The following NFATC3 variants were observed in gnomAD, a reference collection of about 807,000 sequenced individuals.
NFATC3 encodes nuclear factor of activated T-cells, cytoplasmic 3.
In NFATC3, 46 loss-of-function variants were observed where a neutral mutation model predicts 98.6. The ratio of observed to expected loss-of-function variants is 0.47; its 90% CI spans 0.37 to 0.60. The LOEUF (loss-of-function observed/expected upper bound fraction) is 0.60, where lower values mean the gene tolerates loss of function less well. NFATC3 is among the 20% of genes least tolerant of loss of function. The probability of loss-of-function intolerance (pLI) is 0.00; values close to 1 mark genes in which losing one functional copy is unlikely to be tolerated. For synonymous variants in NFATC3, 512 were observed against 472.2 expected (o/e 1.08, Z -1.09); for missense variants, 1,256 against 1,295.5 (o/e 0.97, Z 0.47).
At chr16:68,098,195 C>T (rs2035120216) in intron 1 of NFATC3, among the ~76,000 whole-genome samples, 1 of 151,006 alleles carries the variant, frequency 6.6e-6, no homozygotes, top group Non-Finnish European at 1.5e-5. Context: ...ATGGACACAT[C>T]TTTCCCTTTC....
At chr16:68,152,713 G>C (rs985416007) in intron 3 of NFATC3, among the ~76,000 whole-genome samples, 7 of 152,176 alleles carry the variant, frequency 4.6e-5, no homozygotes, top group African/African-American at 1.7e-4. Context: ...TGAACTAGGA[G>C]TGGTTTTTAT....
intron 8 of NFATC3, among the ~76,000 whole-genome samples, chr16:68,185,769 A>C (rs564016077): frequency 3.4e-4 from 51 of 150,854 alleles, no homozygotes; most frequent in African/African-American, 1.2e-3. Context: ...AGGCTGAGGC[A>C]GGAGAATGGC....
At chr16:68,209,759 G>A (rs2041296287) in intron 9 of NFATC3, 4 of 469,844 alleles carry the variant, frequency 8.5e-6, no homozygotes, top group Admixed American at 2.3e-5. Flanking sequence ...AAAGTGGTTC[G>A]TTGCAGTTGT....
At chr16:68,106,449 G>A (rs2035659632) in intron 1 of NFATC3, among the ~76,000 whole-genome samples, 1 of 151,818 alleles carries the variant, frequency 6.6e-6, no homozygotes, top group South Asian at 2.1e-4. Context: ...GCACCATCAC[G>A]CCTGGCTAAT....
intron 6 of NFATC3, among the ~76,000 whole-genome samples, chr16:68,175,598 T>C (rs1323436273): frequency 6.6e-6 from 1 of 152,178 alleles, no homozygotes; most frequent in Non-Finnish European, 1.5e-5. Context: ...CTTGTTCTGT[T>C]GGCTAGGCTG....
At chr16:68,157,206 C>G (rs901994894) in intron 3 of NFATC3, among the ~76,000 whole-genome samples, 33 of 151,744 alleles carry the variant, frequency 2.2e-4, no homozygotes, top group Non-Finnish European at 4.1e-4. Flanking sequence ...CTCTCTGTCT[C>G]TGTCTCTCTC....
chr16:68,085,950 G>A (rs1724200071), intron 1 of NFATC3, 166 bp downstream of exon 1: 1 of 505,314 alleles, frequency 2.0e-6, no homozygotes. Flanking sequence ...CGCTGAGGAG[G>A]CGTGTGGGTC....
Position 68,123,074 on chromosome 16 carries a change from A to T in NFATC3, c.1191A>T (p.Ser397=). 1 of 1,608,318 alleles carries T rather than the reference A, an allele frequency of 6.2e-7. No homozygotes were observed. The highest frequency in any genetic ancestry group is 1.1e-5 in the South Asian group (1 of 91,066). ...SCGDQFLSVP[S]PFTWSKPKPG... Reference sequence around the variant, plus strand: ...GTGATCAGTTTCTTTCAGTTCCTTCACCCTTTACCTGGAGCAAACCAAAGC... The same window carrying T: ...GTGATCAGTTTCTTTCAGTTCCTTCTCCCTTTACCTGGAGCAAACCAAAGC... The change falls in exon 2 of 10, where the codon TCA becomes TCT. Residue 397 remains serine (S), a synonymous_variant. Coordinates refer to ENST00000346183, the MANE Select transcript of NFATC3 (RefSeq NM_173165.3).
At chr16:68,192,281 A>ATATATATATATGTATGTGTG (rs2040471944) in intron 9 of NFATC3, 1 of 136,626 alleles carries the variant, frequency 7.3e-6, no homozygotes, top group Non-Finnish European at 1.5e-5. Context: ...ATGTATGTGT[A>ATATATATATATGTATGTGTG]TATATATATG....
In NFATC3 at chr16:68,191,402, A is replaced by C. The variant is rs145880907; in HGVS notation, c.2733A>C (p.Gln911His). 379 of 1,614,040 alleles carry C rather than the reference A, an allele frequency of 2.3e-4. No individual in the cohort carries two copies. The African/African-American group carries it at 4.7e-3, about 20-fold the overall frequency. The change falls in exon 9 of 10, where the codon CAA becomes CAC. Residue 911 changes from glutamine (Q) to histidine (H), a missense_variant. Around this residue, in one of 3 missense-constraint regions of NFATC3, gnomAD observed 636 missense variants for 617.3 expected, o/e 1.03. Transcript: ENST00000346183. ...QITGQPSSQL[Q>H]PITYGPSHSG... ...CAGGTCAGCCTTCGTCTCAGTTACAACCTATTACATATGGTCCTTCACATT... is the reference window on the plus strand; with the variant it reads ...CAGGTCAGCCTTCGTCTCAGTTACACCCTATTACATATGGTCCTTCACATT...
intron 9 of NFATC3, among the ~76,000 whole-genome samples, chr16:68,224,126 TAAAAA>T (rs1174161190): frequency 1.4e-5 from 1 of 72,494 alleles, no homozygotes; most frequent in Admixed American, 1.4e-4. Context: ...TGCACCAGTT[TAAAAA>T]AAAAAAAAAA....
chr16:68,177,330 C>T (rs572041127), intron 6 of NFATC3, among the ~76,000 whole-genome samples: 24 of 152,124 alleles, frequency 1.6e-4, no homozygotes, highest in Admixed American at 7.9e-4. Context: ...GGATTACAGG[C>T]GTGAGCCTAT....
intron 1 of NFATC3, among the ~76,000 whole-genome samples, chr16:68,116,362 T>C (rs2036279806): frequency 6.6e-6 from 1 of 152,112 alleles, no homozygotes; most frequent in South Asian, 2.1e-4. Flanking sequence ...CAACCTCTGC[T>C]TCATACTATA....
intron 3 of NFATC3, among the ~76,000 whole-genome samples, chr16:68,130,691 G>A (rs755027316): frequency 4.9e-4 from 74 of 152,064 alleles, no homozygotes; most frequent in Middle Eastern, 3.2e-3. Flanking sequence ...CTGTGATTTT[G>A]TAGAATTACT....
intron 6 of NFATC3, among the ~76,000 whole-genome samples, chr16:68,177,331 G>A (rs909384895): frequency 1.3e-5 from 2 of 152,130 alleles, no homozygotes; most frequent in Non-Finnish European, 2.9e-5. Flanking sequence ...GATTACAGGC[G>A]TGAGCCTATG....
intron 1 of NFATC3, among the ~76,000 whole-genome samples, chr16:68,090,811 G>A (rs1243153904): frequency 6.6e-6 from 1 of 152,148 alleles, no homozygotes; most frequent in Non-Finnish European, 1.5e-5. Context: ...TGGATGCTTA[G>A]TAGCTTTATT....
At chr16:68,134,123 G>A (rs2037262912) in intron 3 of NFATC3, among the ~76,000 whole-genome samples, 1 of 152,062 alleles carries the variant, frequency 6.6e-6, no homozygotes, top group Non-Finnish European at 1.5e-5. Flanking sequence ...GTGATTTCTT[G>A]ATTACCAATG....
intron 9 of NFATC3, among the ~76,000 whole-genome samples, chr16:68,216,036 A>G (rs181094200): frequency 2.0e-3 from 301 of 152,198 alleles, no homozygotes; most frequent in African/African-American, 6.8e-3. Context: ...CCAGATTTAC[A>G]CATATTAAGT....
At chr16:68,188,228 G>A (rs1349276780) in intron 8 of NFATC3, among the ~76,000 whole-genome samples, 1 of 152,216 alleles carries the variant, frequency 6.6e-6, no homozygotes, top group Non-Finnish European at 1.5e-5. Context: ...TGTTGCGGGA[G>A]GGGGGCTTCC....
Sources: allele counts gnomAD v4.1 joint callset (sites outside exome capture counted in the v4.1 genomes callset), GRCh38; gene constraint gnomAD v4.1.1; regional missense constraint gnomAD v4.1.1; transcripts MANE v1.5; gene names NCBI Gene and HGNC (gene_info 2026-07-23, HGNC 2026-07-21).